AGBL4: variants seen among roughly 807,000 people sequenced by gnomAD.
AGBL4 encodes AGBL carboxypeptidase 4.
In AGBL4, 58 loss-of-function variants were observed where a neutral mutation model predicts 66.4. The observed-to-expected ratio is 0.87, with a 90% confidence interval of 0.71 to 1.09. The LOEUF is 1.09. AGBL4 is among the 50% of genes least tolerant of loss of function. The pLI, the probability that AGBL4 is intolerant of heterozygous loss-of-function variation, is 0.00. For synonymous variants in AGBL4, 234 were observed against 222.9 expected (o/e 1.05, Z -0.44); for missense variants, 579 against 631.0 (o/e 0.92, Z 0.88).
At chr1:49,347,090 C>A (rs1645645865) in intron 3 of AGBL4, among the ~76,000 whole-genome samples, 1 of 152,122 alleles carries the variant, frequency 6.6e-6, no homozygotes, top group South Asian at 2.1e-4. Context: ...AGTAGTTACA[C>A]AAAGATTAAC....
At position 49,814,657 on chromosome 1, in the gene AGBL4, C is replaced by A. The variant is rs186012206; in HGVS notation, c.157+36739G>T. On this transcript the variant is annotated intron_variant, in intron 2 of 13. Coordinates refer to ENST00000371839, the MANE Select transcript of AGBL4 (RefSeq NM_032785.4). ...AAGGCAAACACTATGTCAAGTATATCTTTTCCTGTTCCTCCCATCTCACAT... is the reference window on the plus strand; with the variant it reads ...AAGGCAAACACTATGTCAAGTATATATTTTCCTGTTCCTCCCATCTCACAT... Among the ~76,000 whole-genome samples, 35 of 152,200 alleles carry A rather than the reference C, an allele frequency of 2.3e-4. No homozygotes were observed. In the East Asian group the frequency reaches 5.6e-3, roughly 24 times the overall value.
At chr1:49,956,162 T>C (rs1656588739) in intron 1 of AGBL4, among the ~76,000 whole-genome samples, 1 of 151,862 alleles carries the variant, frequency 6.6e-6, no homozygotes, top group Non-Finnish European at 1.5e-5. Flanking sequence ...TTAAAAATTG[T>C]GTGATGAGCA....
intron 1 of AGBL4, among the ~76,000 whole-genome samples, chr1:49,957,406 G>T (rs1656705110): frequency 6.6e-6 from 1 of 151,702 alleles, no homozygotes; most frequent in African/African-American, 2.4e-5. Context: ...TCAATTCCTG[G>T]GTATCCTTGT....
intron 1 of AGBL4, among the ~76,000 whole-genome samples, chr1:49,907,800 C>T (rs1650423699): frequency 6.6e-6 from 1 of 151,752 alleles, no homozygotes; most frequent in Non-Finnish European, 1.5e-5. Flanking sequence ...AGAGTTAATC[C>T]TAATGTATGA....
At chr1:48,860,693 T>C (rs186977085) in intron 6 of AGBL4, among the ~76,000 whole-genome samples, 27 of 152,310 alleles carry the variant, frequency 1.8e-4, no homozygotes, top group African/African-American at 6.3e-4. Flanking sequence ...CTTTTTGTCA[T>C]TGAATCTGCA....
In AGBL4 at chr1:48,613,048, T is replaced by C. The variant is rs181104261; in HGVS notation, c.951+21445A>G. Among the ~76,000 whole-genome samples the C allele has an allele frequency of 6.2e-4, 95 of 152,096 alleles. 1 individual carries two copies. Among genetic ancestry groups the C allele is most frequent in the Middle Eastern group, 3.4e-3 (1 of 294 alleles). On this transcript the variant is annotated intron_variant, in intron 9 of 13. Transcript: ENST00000371839. ...ACTCGGGAGGCTGAGGCAGGAGAAT[T>C]TCTTGAACTAAGGAGGCGGAGGTTG...
At chr1:48,883,720 T>C (rs1333993457) in intron 5 of AGBL4, among the ~76,000 whole-genome samples, 4 of 152,206 alleles carry the variant, frequency 2.6e-5, no homozygotes. Flanking sequence ...ACAGAGTAGA[T>C]GCCCAATAAT....
In AGBL4 at chr1:49,499,843, C is replaced by G. The variant is rs561831303; in HGVS notation, c.282+197470G>C. Among the ~76,000 whole-genome samples, 3 of 151,936 alleles carry G rather than the reference C, an allele frequency of 2.0e-5. No individual in the cohort carries two copies. The South Asian group carries it at 6.2e-4, about 32-fold the overall frequency. ...TGAGAATTGTGCTGCTGTAAACATG[C>G]ATGTGCAAGTGTCTATCATATAGTG... On this transcript the variant is annotated intron_variant, in intron 3 of 13. Coordinates refer to ENST00000371839, the MANE Select transcript of AGBL4 (RefSeq NM_032785.4).
intron 11 of AGBL4, among the ~76,000 whole-genome samples, chr1:48,555,494 A>T (rs1285835213): frequency 2.0e-5 from 3 of 152,324 alleles, no homozygotes; most frequent in Non-Finnish European, 2.9e-5. Flanking sequence ...CCCTTTGAAG[A>T]TGTTTGTCAC....
intron 3 of AGBL4, among the ~76,000 whole-genome samples, chr1:49,257,191 C>A (rs971445035): frequency 2.0e-5 from 3 of 152,136 alleles, no homozygotes; most frequent in African/African-American, 7.2e-5. Flanking sequence ...AACCACTGCT[C>A]TCTTCAAAGC....
chr1:48,661,904 A>G (rs549732484), intron 7 of AGBL4, among the ~76,000 whole-genome samples: 1 of 152,334 alleles, frequency 6.6e-6, no homozygotes, highest in South Asian at 2.1e-4. Context: ...AGGGACCTCA[A>G]GAGGTTACTG....
rs142410626 is a variant in AGBL4, at chr1:49,094,196, G to T, written c.378-48396C>A. 1.7e-3 allele frequency among the ~76,000 whole-genome samples: 262 copies of T among 152,104 alleles called. 2 individuals carry two copies. The East Asian group carries it at 0.023, about 13-fold the overall frequency. On this transcript the variant is annotated intron_variant, in intron 4 of 13. Transcript: ENST00000371839. Reference sequence around the variant, plus strand: ...GCACTATTTATAAAATAAAACATATGGGCAGTAGGTTGAATACTACCCCCC... The same window carrying T: ...GCACTATTTATAAAATAAAACATATTGGCAGTAGGTTGAATACTACCCCCC...
intron 6 of AGBL4, among the ~76,000 whole-genome samples, chr1:48,709,263 C>A (rs553092320): frequency 1.1e-4 from 17 of 152,222 alleles, no homozygotes; most frequent in Non-Finnish European, 2.1e-4. Flanking sequence ...GGCTTTGTGG[C>A]TACAAAGACA....
chr1:49,312,205 T>C (rs1229656448), intron 3 of AGBL4, among the ~76,000 whole-genome samples: 1 of 152,034 alleles, frequency 6.6e-6, no homozygotes, highest in Non-Finnish European at 1.5e-5. Context: ...ACTCCATGAA[T>C]AGGATTAGTG....
chr1:49,852,606 A>G (rs952684112), intron 1 of AGBL4, among the ~76,000 whole-genome samples: 1 of 152,168 alleles, frequency 6.6e-6, no homozygotes, highest in African/African-American at 2.4e-5. Context: ...ACTAGGGGAG[A>G]AATAACGAAC....
intron 1 of AGBL4, among the ~76,000 whole-genome samples, chr1:49,941,642 C>A (rs1654768339): frequency 6.6e-6 from 1 of 151,906 alleles, no homozygotes; most frequent in African/African-American, 2.4e-5. Context: ...ATGATCATCT[C>A]AATAGATGCA....
intron 1 of AGBL4, among the ~76,000 whole-genome samples, chr1:49,964,125 C>T (rs911766728): frequency 2.0e-5 from 3 of 152,024 alleles, no homozygotes; most frequent in Non-Finnish European, 4.4e-5. Context: ...GGATCTTGTG[C>T]GGATTCAGGA....
At chr1:49,127,208 T>G (rs596652) in intron 4 of AGBL4, among the ~76,000 whole-genome samples, 5,517 of 152,244 alleles carry the variant, frequency 0.036, 303 homozygotes, top group African/African-American at 0.12. Flanking sequence ...TTTTGGATTG[T>G]GAAGAAAGAA....
At chr1:49,301,284 C>A (rs1644740533) in intron 3 of AGBL4, among the ~76,000 whole-genome samples, 1 of 152,122 alleles carries the variant, frequency 6.6e-6, no homozygotes, top group Admixed American at 6.6e-5. Flanking sequence ...CAAGGTGAAC[C>A]TGAAACAACC....
Sources: allele counts gnomAD v4.1 joint callset (sites outside exome capture counted in the v4.1 genomes callset), GRCh38; gene constraint gnomAD v4.1.1; transcripts MANE v1.5; gene names NCBI Gene and HGNC (gene_info 2026-07-23, HGNC 2026-07-21).